The following PPM1A variants were observed in gnomAD, a reference collection of about 807,000 sequenced individuals.
PPM1A encodes the protein protein phosphatase, Mg2+/Mn2+ dependent 1A, also known as protein phosphatase 1A.
PPM1A carries 7 observed loss-of-function variants against 35.0 expected under a neutral mutation model. The observed-to-expected ratio is 0.20, with a 90% CI of 0.11 to 0.38. PPM1A has a LOEUF of 0.38. Among genes scored for constraint, PPM1A ranks in the 10% least tolerant of loss-of-function variants. The pLI, the probability that PPM1A is intolerant of heterozygous loss-of-function variation, is 1.00. For missense variants in PPM1A, 239 were observed against 467.8 expected (o/e 0.51, Z 4.51); for synonymous variants, 153 against 167.3 (o/e 0.91, Z 0.66).
Position 60,287,615 on chromosome 14 carries a change from A to G in PPM1A, c.952+1874A>G, listed in dbSNP as rs1479224956. The G allele has an allele frequency of 5.1e-6, 5 of 985,040 alleles. No homozygotes were observed. In the East Asian group the frequency reaches 4.5e-4, roughly 89 times the overall value. The allele number at this position is 985,040 out of a possible 1,614,324, so 61.0% of individuals were successfully genotyped here. On this transcript the variant is annotated intron_variant, in intron 3 of 5. Coordinates refer to ENST00000395076, the MANE Select transcript of PPM1A (RefSeq NM_021003.5). The stretch of plus-strand genomic sequence containing the variant: ...TTCACTAGATTGCTGTGACCTACTA[A>G]ACCTCATTTTATTTGCTTGGAACAT...
At chr14:60,281,846 T>C (rs1886440279) in intron 1 of PPM1A, among the ~76,000 whole-genome samples, 1 of 152,202 alleles carries the variant, frequency 6.6e-6, no homozygotes, top group Non-Finnish European at 1.5e-5. Context: ...ATATACCTAA[T>C]GGTCATAGAG....
intron 1 of PPM1A, chr14:60,268,321 GAAAA>G (rs1034179962): frequency 1.0e-5 from 8 of 783,756 alleles, no homozygotes; most frequent in Non-Finnish European, 3.1e-6. Context: ...AGCACTAATT[GAAAA>G]AAAAAAAATT....
chr14:60,279,884 TTA>T (rs376555076), intron 1 of PPM1A, among the ~76,000 whole-genome samples: 1 of 152,082 alleles, frequency 6.6e-6, no homozygotes, highest in Non-Finnish European at 1.5e-5. Flanking sequence ...GGTGTAAAAA[TTA>T]TATAATAATA....
chr14:60,291,354 T>C, intron 4 of PPM1A, 43 bp from the exon 5 acceptor site: 1 of 1,403,536 alleles, frequency 7.1e-7, no homozygotes, highest in Non-Finnish European at 9.8e-7. Flanking sequence ...AAGCAATGTT[T>C]TGCTTTCTGA....
upstream of PPM1A, among the ~76,000 whole-genome samples, chr14:60,246,986 G>A (rs889371418): frequency 6.6e-6 from 1 of 152,196 alleles, no homozygotes; most frequent in African/African-American, 2.4e-5. Flanking sequence ...CAGAAAGATA[G>A]GCAGGCATTT....
chr14:60,248,578 A>G (rs1395986598), upstream of PPM1A: 1 of 150,458 alleles, frequency 6.6e-6, no homozygotes, highest in Non-Finnish European at 1.5e-5. Context: ...TCACTGGGAG[A>G]GGAAGGCTCT....
intron 1 of PPM1A, among the ~76,000 whole-genome samples, chr14:60,263,370 A>G (rs1295974741): frequency 6.6e-6 from 1 of 152,152 alleles, no homozygotes; most frequent in Non-Finnish European, 1.5e-5. Flanking sequence ...GGTTTTTTGA[A>G]GTGAACATAC....
chr14:60,249,623 T>TGCCGCC lies in PPM1A; in HGVS notation c.-65_-60dup, dbSNP rs945569651. ...CCGCCGCGGTGACCCCCTCCCCGGC[T>TGCCGCC]GCCGCCGCCGCCGCCTCGGCCGACC... is the stretch of plus-strand genomic sequence containing the variant. On this transcript the variant is annotated 5_prime_UTR_variant, in exon 1 of 6. Transcript: ENST00000395076. This position sits in a 1 kb window ranked among gnomAD's most constrained non-coding sequence, Gnocchi z 4.5. 9 of 985,822 alleles carry TGCCGCC rather than the reference T, an allele frequency of 9.1e-6. No homozygotes were observed. Among genetic ancestry groups the TGCCGCC allele is most frequent in the African/African-American group, 5.3e-5 (3 of 56,758 alleles). The allele number at this position is 985,822 out of a possible 1,614,324, so 61.1% of individuals were successfully genotyped here.
chr14:60,277,004 G>T, intron 1 of PPM1A: 1 of 1,135,446 alleles, frequency 8.8e-7, no homozygotes, highest in Non-Finnish European at 1.1e-6. Context: ...TTTTGTCATA[G>T]TACTTTGTTT....
intron 1 of PPM1A, among the ~76,000 whole-genome samples, chr14:60,278,879 T>C (rs898154974): frequency 6.6e-6 from 1 of 152,230 alleles, no homozygotes; most frequent in Non-Finnish European, 1.5e-5. Context: ...TACCTTCTAA[T>C]GAGCAGTTAG....
chr14:60,249,411 G>C lies in PPM1A; in HGVS notation c.-287G>C, dbSNP rs1478745591. 1 of 984,798 alleles carries C rather than the reference G, an allele frequency of 1.0e-6. No individual in the cohort carries two copies. The highest frequency in any genetic ancestry group is 1.2e-6 in the Non-Finnish European group (1 of 829,968). The allele number at this position is 984,798 out of a possible 1,614,324, so 61.0% of individuals were successfully genotyped here. ...GAGGCGCGAAAGCGATGAGTCCTCG[G>C]CTCTTCCTCCTCCTTCTCCGGGACC... On this transcript the variant is annotated 5_prime_UTR_variant, in exon 1 of 6. Coordinates refer to ENST00000395076, the MANE Select transcript of PPM1A (RefSeq NM_021003.5). The surrounding 1 kb of genome is among the most constrained non-coding windows in gnomAD (Gnocchi z 4.5).
intron 2 of PPM1A, among the ~76,000 whole-genome samples, chr14:60,284,200 A>G (rs533756187): frequency 6.6e-6 from 1 of 152,230 alleles, no homozygotes; most frequent in Non-Finnish European, 1.5e-5. Flanking sequence ...TTTATTTTAC[A>G]GATGAGGAAG....
At chr14:60,287,790 T>G in intron 3 of PPM1A, 1 of 982,936 alleles carries the variant, frequency 1.0e-6, no homozygotes, top group Non-Finnish European at 1.2e-6. Flanking sequence ...GTGGTCCTTC[T>G]AAGCCAATTT....
At chr14:60,271,767 A>T (rs1173107672) in intron 1 of PPM1A, among the ~76,000 whole-genome samples, 1 of 152,016 alleles carries the variant, frequency 6.6e-6, no homozygotes, top group Non-Finnish European at 1.5e-5. Context: ...TATAATCTTG[A>T]TATTGAGAAT....
chr14:60,290,093 A>G (rs1887473895), intron 4 of PPM1A, among the ~76,000 whole-genome samples, 179 bp downstream of exon 4: 1 of 152,200 alleles, frequency 6.6e-6, no homozygotes, highest in Non-Finnish European at 1.5e-5. Context: ...CATAGGTATC[A>G]GTATCATTGT....
chr14:60,277,038 A>G lies in PPM1A; in HGVS notation c.-20-5646A>G, dbSNP rs186823906. 4.1e-6 allele frequency: 5 copies of G among 1,209,208 alleles called. No homozygotes were observed. In the East Asian group the frequency reaches 2.7e-4, roughly 64 times the overall value. The allele number at this position is 1,209,208 out of a possible 1,614,324, so 74.9% of individuals were successfully genotyped here. On this transcript the variant is annotated intron_variant, in intron 1 of 5. Transcript: ENST00000395076. ...TTTGAAAAGTTCAGATCAACTGATA[A>G]TACTAGTGCTGTGATGAGACTCAGC... is the stretch of plus-strand genomic sequence containing the variant.
chr14:60,268,331 A>C, intron 1 of PPM1A: 2 of 983,306 alleles, frequency 2.0e-6, no homozygotes, highest in Non-Finnish European at 2.4e-6. Flanking sequence ...GAAAAAAAAA[A>C]AATTTGTTTT....
rs1885411359 is a variant in PPM1A, at chr14:60,273,584, T to C, written c.-20-9100T>C. Reference sequence around the variant, plus strand: ...AGAAACTTTTAGTACAGAAGTGATATGGTGAAATTTGTATTTTGAAAGATT... The same window carrying C: ...AGAAACTTTTAGTACAGAAGTGATACGGTGAAATTTGTATTTTGAAAGATT... On this transcript the variant is annotated intron_variant, in intron 1 of 5. Coordinates refer to ENST00000395076, the MANE Select transcript of PPM1A (RefSeq NM_021003.5). The surrounding 1 kb of genome is among the most constrained non-coding windows in gnomAD (Gnocchi z 4.3). Among the ~76,000 whole-genome samples, 1 of 152,120 alleles carries C rather than the reference T, an allele frequency of 6.6e-6. No individual in the cohort carries two copies.
upstream of PPM1A, chr14:60,249,206 G>T (rs954833692): frequency 4.1e-6 from 4 of 986,970 alleles, no homozygotes; most frequent in African/African-American, 7.0e-5. This position sits in a 1 kb window ranked among gnomAD's most constrained non-coding sequence, Gnocchi z 4.5. Context: ...GAGCGCGCCT[G>T]CGCGGGGCCG....
Sources: allele counts gnomAD v4.1 joint callset (sites outside exome capture counted in the v4.1 genomes callset), GRCh38; gene constraint gnomAD v4.1.1; non-coding constraint Gnocchi (gnomAD v3.1); transcripts MANE v1.5; gene names NCBI Gene and HGNC (gene_info 2026-07-23, HGNC 2026-07-21).